Variants in SGCD observed in about 807,000 individuals in gnomAD.
SGCD encodes sarcoglycan delta.
SGCD carries 18 observed loss-of-function variants against 36.6 expected under a neutral mutation model. The observed-to-expected ratio is 0.49, with a 90% CI of 0.34 to 0.73. SGCD has a LOEUF of 0.73. Among genes scored for constraint, SGCD ranks in the 30% least tolerant of loss-of-function variants. SGCD has a pLI of 0.01. For synonymous variants in SGCD, 133 were observed against 130.6 expected, an observed-to-expected ratio of 1.02 and a Z score of -0.12; for missense variants, 387 against 346.7, an observed-to-expected ratio of 1.12 and a Z score of -0.92.
Position 156,054,561 on chromosome 5 carries a change from A to C in SGCD, c.-281-63317A>C, listed in dbSNP as rs571292989. 2.5e-3 allele frequency among the ~76,000 whole-genome samples: 371 copies of C among 146,890 alleles called. 23 individuals are homozygous for C. The highest frequency in any genetic ancestry group is 8.9e-3 in the African/African-American group (363 of 40,904). On this transcript the variant is annotated intron_variant, in intron 1 of 9. Coordinates refer to the SGCD transcript ENST00000517913. ...CAGCCTCCCAAAGTGATGGGATTAC[A>C]GGCGTGAGCCACCGCGCCCGGCCCC...
At chr5:156,284,901 C>T (rs772971886) in intron 3 of SGCD, among the ~76,000 whole-genome samples, 3 of 152,196 alleles carry the variant, frequency 2.0e-5, no homozygotes, top group African/African-American at 7.2e-5. Context: ...TTGCAGATGA[C>T]ATGATTGTGT....
At chr5:156,537,129 G>A (rs1758147339) in intron 4 of SGCD, among the ~76,000 whole-genome samples, 1 of 152,150 alleles carries the variant, frequency 6.6e-6, no homozygotes, top group South Asian at 2.1e-4. Context: ...TTCTGTTTGT[G>A]AACAGGCTGT....
At chr5:156,384,550 ATG>A (rs1276688100) in intron 3 of SGCD, among the ~76,000 whole-genome samples, 1 of 152,302 alleles carries the variant, frequency 6.6e-6, no homozygotes, top group Middle Eastern at 3.4e-3. Context: ...AGAACACCAT[ATG>A]TGTGTTGAAT....
intron 3 of SGCD, among the ~76,000 whole-genome samples, chr5:156,290,175 G>A (rs1396038864): frequency 2.0e-5 from 3 of 152,014 alleles, no homozygotes; most frequent in East Asian, 1.9e-4. Context: ...CCTAAACATA[G>A]GTACTATTAT....
At chr5:156,021,226 T>G (rs1218607443) in intron 1 of SGCD, among the ~76,000 whole-genome samples, 1 of 152,064 alleles carries the variant, frequency 6.6e-6, no homozygotes, top group Non-Finnish European at 1.5e-5. Flanking sequence ...GTGTAGGGGC[T>G]TTTCATAATT....
intron 3 of SGCD, among the ~76,000 whole-genome samples, chr5:156,420,897 G>A (rs2127777560): frequency 6.6e-6 from 1 of 152,204 alleles, no homozygotes; most frequent in African/African-American, 2.4e-5. Context: ...GTGGTTATGA[G>A]TCAGTTCTAG....
chr5:155,742,537 T>A, the SGCD span, among the ~76,000 whole-genome samples: 1 of 152,158 alleles, frequency 6.6e-6, no homozygotes, highest in Non-Finnish European at 1.5e-5. Flanking sequence ...GAGAAGGAAG[T>A]GAGTATCAAT....
At chr5:156,412,787 C>CTTTTTTTTTT (rs35464853) in intron 3 of SGCD, among the ~76,000 whole-genome samples, 6 of 105,032 alleles carry the variant, frequency 5.7e-5, no homozygotes, top group Non-Finnish European at 9.7e-5. Context: ...AGGGTTGGTT[C>CTTTTTTTTTT]TTTTTTTTTT....
At chr5:156,596,644 A>G (rs1237386185) in intron 6 of SGCD, among the ~76,000 whole-genome samples, 1 of 152,048 alleles carries the variant, frequency 6.6e-6, no homozygotes, top group Non-Finnish European at 1.5e-5. Flanking sequence ...TCCCACAGTC[A>G]GCTTGTCTGG....
At chr5:156,453,467 C>T (rs997427225) in intron 3 of SGCD, among the ~76,000 whole-genome samples, 1 of 152,182 alleles carries the variant, frequency 6.6e-6, no homozygotes, top group African/African-American at 2.4e-5. Context: ...TTCATAGTAG[C>T]TGCATTCACA....
chr5:155,980,307 C>T (rs996943589), intron 1 of SGCD, among the ~76,000 whole-genome samples: 16 of 152,164 alleles, frequency 1.1e-4, no homozygotes, highest in Middle Eastern at 6.8e-3. Flanking sequence ...TCTTATTGGC[C>T]AGGAGCGGTG....
rs560513992 is a variant in SGCD at position 156,626,449 on chromosome 5, C to T, written c.503-21015C>T. 2.8e-3 allele frequency among the ~76,000 whole-genome samples: 420 copies of T among 152,290 alleles called. 2 individuals are homozygous for T. Among genetic ancestry groups the T allele is most frequent in the African/African-American group, 9.4e-3 (389 of 41,548 alleles). On this transcript the variant is annotated intron_variant, in intron 6 of 8. Coordinates refer to ENST00000337851, the MANE Select transcript of SGCD (RefSeq NM_000337.6). ...ACAAAGTATTGACAGAAGCAACAAA[C>T]TCAAGATGAGAGCTCTCCAGCAGAA...
chr5:155,806,240 C>T, the SGCD span, among the ~76,000 whole-genome samples: 40,128 of 152,116 alleles, frequency 0.26, 5,937 homozygotes, highest in Admixed American at 0.46. Flanking sequence ...CCGCCACCTC[C>T]GCCTCCTGGG....
At position 156,187,181 on chromosome 5, in the gene SGCD, GA is replaced by G. The variant is rs1388542919; in HGVS notation, c.-44+63163del. On this transcript the variant is annotated intron_variant, in intron 3 of 9. Coordinates refer to the SGCD transcript ENST00000517913. ...GAGATAATCATAAACCAAGTTAAATGACCACAGCAGAGAGGAAAAAGATCCT... is the reference window on the plus strand; with the variant it reads ...GAGATAATCATAAACCAAGTTAAATGCCACAGCAGAGAGGAAAAAGATCCT... Among the ~76,000 whole-genome samples the G allele has an allele frequency of 3.9e-5, 6 of 152,232 alleles. No homozygotes were observed. In the East Asian group the frequency reaches 1.2e-3, roughly 29 times the overall value.
At chr5:155,772,723 AC>A in the SGCD span, among the ~76,000 whole-genome samples, 1 of 151,638 alleles carries the variant, frequency 6.6e-6, no homozygotes, top group Non-Finnish European at 1.5e-5. Flanking sequence ...GTAACTGGGT[AC>A]CCCCATTTTT....
the SGCD span, among the ~76,000 whole-genome samples, chr5:155,747,586 T>G: frequency 6.6e-6 from 1 of 152,334 alleles, no homozygotes; most frequent in South Asian, 2.1e-4. Flanking sequence ...GTGAACTAAC[T>G]TGCTCAAGAA....
chr5:156,406,835 CACACACAT>C (rs1454735204), intron 3 of SGCD, among the ~76,000 whole-genome samples: 1 of 110,608 alleles, frequency 9.0e-6, no homozygotes, highest in Non-Finnish European at 1.8e-5. Flanking sequence ...CACACACACA[CACACACAT>C]ATATATGTGT....
the SGCD span, among the ~76,000 whole-genome samples, chr5:155,833,613 G>C: frequency 6.6e-6 from 1 of 152,290 alleles, no homozygotes; most frequent in East Asian, 1.9e-4. Flanking sequence ...TGAAACCAAG[G>C]GGGGAAAAGT....
At chr5:156,559,475 CTGCA>C (rs1019200113) in intron 4 of SGCD, among the ~76,000 whole-genome samples, 2 of 152,130 alleles carry the variant, frequency 1.3e-5, no homozygotes, top group Non-Finnish European at 2.9e-5. Flanking sequence ...CAGGGTACTT[CTGCA>C]TGAAAAATCT....
Sources: gnomAD v4.1 joint callset for allele counts (sites outside exome capture counted in the v4.1 genomes callset) on GRCh38, gnomAD v4.1.1 for gene constraint, MANE v1.5 for transcripts, NCBI Gene and HGNC (gene_info 2026-07-23, HGNC 2026-07-21) for gene names.